The following ARHGEF3 variants were observed in gnomAD, a reference collection of about 807,000 sequenced individuals.
ARHGEF3 encodes the protein 59.8 kDA protein.
In ARHGEF3, 28 loss-of-function variants were observed where a neutral mutation model predicts 63.2. The ratio of observed to expected loss-of-function variants is 0.44; its 90% CI spans 0.33 to 0.61. The LOEUF is 0.61. ARHGEF3 is among the 20% of genes least tolerant of loss of function. The probability of loss-of-function intolerance (pLI) is 0.03; values close to 1 mark genes in which losing one functional copy is unlikely to be tolerated. For synonymous variants in ARHGEF3, 266 were observed against 254.2 expected (o/e 1.05, Z -0.44); for missense variants, 533 against 659.3 (o/e 0.81, Z 2.10).
upstream of ARHGEF3, chr3:56,802,068 G>C: frequency 7.9e-7 from 1 of 1,259,762 alleles, no homozygotes; most frequent in Non-Finnish European, 1.0e-6. Context: ...CCGCAGCGCG[G>C]ACACCTCCTG....
chr3:56,791,812 G>GA (rs1396529298), intron 1 of ARHGEF3, among the ~76,000 whole-genome samples: 2 of 142,370 alleles, frequency 1.4e-5, no homozygotes, highest in Admixed American at 7.0e-5. Flanking sequence ...GAAAAATGAA[G>GA]AAAAAATGAA....
chr3:57,013,990 T>G (rs1310958917), intron 2 of ARHGEF3, among the ~76,000 whole-genome samples: 1 of 152,214 alleles, frequency 6.6e-6, no homozygotes, highest in Non-Finnish European at 1.5e-5. Context: ...TAAATCTTGC[T>G]GCTGCTCACT....
intron 2 of ARHGEF3, among the ~76,000 whole-genome samples, chr3:56,972,988 G>A (rs1251729774): frequency 1.3e-5 from 2 of 151,616 alleles, no homozygotes; most frequent in East Asian, 3.9e-4. Flanking sequence ...AGTGGGGGTG[G>A]TGAGGAGTAG....
intron 3 of ARHGEF3, among the ~76,000 whole-genome samples, chr3:56,936,212 T>C (rs1698894150): frequency 6.6e-6 from 1 of 152,044 alleles, no homozygotes; most frequent in South Asian, 2.1e-4. Flanking sequence ...GCTGGCATCA[T>C]GACAAGCCCA....
intron 2 of ARHGEF3, among the ~76,000 whole-genome samples, chr3:56,758,453 A>G (rs1437758655): frequency 1.3e-5 from 2 of 152,006 alleles, no homozygotes; most frequent in Non-Finnish European, 2.9e-5. Context: ...ATATATAGAT[A>G]TATATGTAAG....
At chr3:56,794,348 C>T (rs930047393) in intron 1 of ARHGEF3, among the ~76,000 whole-genome samples, 3 of 151,738 alleles carry the variant, frequency 2.0e-5, no homozygotes, top group East Asian at 1.9e-4. Context: ...ATTAGCAGGG[C>T]GTGGTGGCGT....
At chr3:57,047,038 G>T (rs1407836780) in intron 1 of ARHGEF3, among the ~76,000 whole-genome samples, 1 of 152,156 alleles carries the variant, frequency 6.6e-6, no homozygotes, top group African/African-American at 2.4e-5. Flanking sequence ...AGCCAATGGA[G>T]GCCTGGGGTT....
intron 2 of ARHGEF3, among the ~76,000 whole-genome samples, chr3:57,029,015 A>ACACACACACACACACT (rs1333391405): frequency 6.7e-6 from 1 of 149,596 alleles, no homozygotes; most frequent in Non-Finnish European, 1.5e-5. Flanking sequence ...ACACACACAC[A>ACACACACACACACACT]CCTCCCAAAA....
intron 2 of ARHGEF3, among the ~76,000 whole-genome samples, chr3:56,975,436 T>A (rs765009542): frequency 1.1e-4 from 17 of 151,852 alleles, no homozygotes; most frequent in Non-Finnish European, 2.2e-4. Flanking sequence ...ATAATAATAA[T>A]AAATAAAAAA....
intron 1 of ARHGEF3, among the ~76,000 whole-genome samples, chr3:56,774,315 T>A (rs929832520): frequency 3.3e-5 from 5 of 151,860 alleles, no homozygotes; most frequent in African/African-American, 4.8e-5. Context: ...AAAAAAAAAA[T>A]TTAAAAAAGA....
At chr3:56,903,299 T>C (rs984910863) in intron 3 of ARHGEF3, among the ~76,000 whole-genome samples, 1 of 152,298 alleles carries the variant, frequency 6.6e-6, no homozygotes, top group African/African-American at 2.4e-5. Context: ...AGGGCTCTCA[T>C]ACAAGGCTAG....
chr3:56,978,931 G>A (rs1026252945), intron 2 of ARHGEF3, among the ~76,000 whole-genome samples: 5 of 152,178 alleles, frequency 3.3e-5, no homozygotes, highest in African/African-American at 1.2e-4. Context: ...TAAGGCTGGA[G>A]GATCACCTCT....
intron 3 of ARHGEF3, among the ~76,000 whole-genome samples, chr3:56,906,422 G>T (rs2041685346): frequency 6.6e-6 from 1 of 152,192 alleles, no homozygotes; most frequent in African/African-American, 2.4e-5. Flanking sequence ...TTGAAATGTG[G>T]CTAGTCTGAA....
chr3:56,816,292 G>A (rs1024351422), intron 4 of ARHGEF3, among the ~76,000 whole-genome samples: 1 of 152,152 alleles, frequency 6.6e-6, no homozygotes, highest in South Asian at 2.1e-4. Flanking sequence ...AAAGCTGAGG[G>A]TTCTGTGCAA....
At chr3:56,775,264 G>A in intron 1 of ARHGEF3, 1 of 1,291,758 alleles carries the variant, frequency 7.7e-7, no homozygotes, top group African/African-American at 1.5e-5. Flanking sequence ...TCGTGAATTT[G>A]GAATCCTGCT....
chr3:56,738,282 C>G (rs1038757310), intron 7 of ARHGEF3, among the ~76,000 whole-genome samples: 4 of 151,740 alleles, frequency 2.6e-5, no homozygotes, highest in Admixed American at 2.6e-4. Context: ...TTGTGATCCC[C>G]CTGCCTCAGC....
At chr3:56,902,521 G>A (rs181977139) in intron 3 of ARHGEF3, among the ~76,000 whole-genome samples, 2 of 152,288 alleles carry the variant, frequency 1.3e-5, no homozygotes, top group Admixed American at 1.3e-4. Flanking sequence ...TTTAGTCTGA[G>A]AGACACAAAG....
chr3:56,905,478 G>C (rs1396220878), intron 3 of ARHGEF3, among the ~76,000 whole-genome samples: 1 of 152,172 alleles, frequency 6.6e-6, no homozygotes, highest in Non-Finnish European at 1.5e-5. Context: ...ATTTATTTAA[G>C]TCCCCATTGA....
chr3:56,986,574 G>A (rs1014216550), intron 2 of ARHGEF3, among the ~76,000 whole-genome samples: 1 of 152,164 alleles, frequency 6.6e-6, no homozygotes, highest in Non-Finnish European at 1.5e-5. Context: ...GGAGTAAGGG[G>A]TTGGGGGGAA....
Sources: gnomAD v4.1 joint callset for allele counts (sites outside exome capture counted in the v4.1 genomes callset) on GRCh38, gnomAD v4.1.1 for gene constraint, MANE v1.5 for transcripts, NCBI Gene and HGNC (gene_info 2026-07-23, HGNC 2026-07-21) for gene names.